Variants in MN1 observed in about 807,000 individuals in gnomAD.
The protein encoded by MN1 is transcriptional activator MN1.
In MN1, 19 loss-of-function variants were observed where a neutral mutation model predicts 86.9. The ratio of observed to expected loss-of-function variants is 0.22; its 90% CI spans 0.15 to 0.32. The LOEUF (loss-of-function observed/expected upper bound fraction) is 0.32. MN1 is among the 10% of genes least tolerant of loss of function. The pLI is 1.00. For synonymous variants in MN1, 928 were observed against 849.6 expected (o/e 1.09, Z -1.60); for missense variants, 1,841 against 1,862.0 (o/e 0.99, Z 0.21).
chr22:27,760,314 C>G (rs1296311772), intron 1 of MN1, among the ~76,000 whole-genome samples: 2 of 152,034 alleles, frequency 1.3e-5, no homozygotes, highest in African/African-American at 4.8e-5. Flanking sequence ...CATTGCACTC[C>G]AGCCTGGGCC....
At chr22:27,754,293 T>C (rs2146293043) in intron 1 of MN1, among the ~76,000 whole-genome samples, 1 of 152,258 alleles carries the variant, frequency 6.6e-6, no homozygotes. Context: ...TTGCTGTTCT[T>C]ATTAGGGGTG....
chr22:27,801,097 TC>T lies in MN1; in HGVS notation c.-555del. ...CGGTCCCTCCCCCCGCCCCCCGGAG[TC>T]CCCGCGCCCCGCAGCCCGAGCCTCC... is the stretch of plus-strand genomic sequence containing the variant. On this transcript the variant is annotated 5_prime_UTR_variant, in exon 1 of 2. Coordinates refer to ENST00000302326, the MANE Select transcript of MN1 (RefSeq NM_002430.3). 1 of 220,742 alleles carries T rather than the reference TC, an allele frequency of 4.5e-6. No homozygotes were observed. The highest frequency in any genetic ancestry group is 9.0e-6 in the Non-Finnish European group (1 of 110,640). 13.7% of individuals were successfully genotyped at this position (220,742 alleles called of 1,614,324 possible).
intron 1 of MN1, among the ~76,000 whole-genome samples, chr22:27,754,889 TTC>T (rs1219734144): frequency 2.0e-5 from 3 of 152,136 alleles, no homozygotes; most frequent in South Asian, 2.1e-4. Context: ...GTGAGTGCTG[TTC>T]TGTTTTCCAC....
rs750784642 is a variant in MN1 at position 27,800,464 on chromosome 22, C to G, written c.80G>C (p.Gly27Ala). The G allele has an allele frequency of 6.2e-7, 1 of 1,614,230 alleles. No individual in the cohort carries two copies. The highest frequency in any genetic ancestry group is 8.5e-7 in the Non-Finnish European group (1 of 1,180,040). ...GQGERNFNET[G>A]LSMNTHFKAP... ...CTTAAAGTGGGTGTTCATGCTCAGT[C>G]CGGTCTCGTTAAAGTTCCTCTCGCC... The change falls in exon 1 of 2, where the codon GGA becomes GCA. Residue 27 changes from glycine to alanine, a missense_variant. Coordinates refer to ENST00000302326, the MANE Select transcript of MN1 (RefSeq NM_002430.3).
intron 1 of MN1, among the ~76,000 whole-genome samples, chr22:27,773,811 T>C (rs1008240284): frequency 9.2e-5 from 14 of 152,182 alleles, no homozygotes; most frequent in Non-Finnish European, 1.8e-4. Flanking sequence ...CACGCCACCA[T>C]GCCCAGCTAA....
intron 1 of MN1, among the ~76,000 whole-genome samples, chr22:27,793,697 A>C (rs1010099382): frequency 1.6e-4 from 24 of 151,992 alleles, no homozygotes; most frequent in Non-Finnish European, 2.9e-5. Context: ...GTTGGCCTAG[A>C]CTTTGCGAGA....
At chr22:27,789,464 T>G (rs12166473) in intron 1 of MN1, among the ~76,000 whole-genome samples, 29,646 of 151,846 alleles carry the variant, frequency 0.2, 3,325 homozygotes, top group Middle Eastern at 0.28. Context: ...AGATCAAAGA[T>G]GGGAATAAGA....
chr22:27,777,027 C>A (rs1224634246), intron 1 of MN1, among the ~76,000 whole-genome samples: 2 of 152,138 alleles, frequency 1.3e-5, no homozygotes, highest in African/African-American at 4.8e-5. Context: ...CTTTAAAACG[C>A]AAGGGAGGGC....
intron 1 of MN1, 27 bp from the exon 2 acceptor site, chr22:27,751,123 A>G (rs1012387908): frequency 2.9e-5 from 44 of 1,523,142 alleles, no homozygotes; most frequent in Non-Finnish European, 3.5e-5. Flanking sequence ...AAGAGAGGAC[A>G]TTAGTGGCAC....
At chr22:27,795,052 C>T (rs919949713) in intron 1 of MN1, among the ~76,000 whole-genome samples, 1 of 118,760 alleles carries the variant, frequency 8.4e-6, no homozygotes, top group Non-Finnish European at 1.6e-5. Flanking sequence ...GTGTCCAACT[C>T]GATTTTAAAA....
At chr22:27,772,561 A>C (rs1231361475) in intron 1 of MN1, among the ~76,000 whole-genome samples, 2 of 152,020 alleles carry the variant, frequency 1.3e-5, no homozygotes, top group East Asian at 3.9e-4. Flanking sequence ...GCTTGACATC[A>C]CTTAACCAAC....
intron 1 of MN1, among the ~76,000 whole-genome samples, chr22:27,752,224 C>T (rs1227742315): frequency 6.6e-6 from 1 of 152,162 alleles, no homozygotes; most frequent in African/African-American, 2.4e-5. Flanking sequence ...GCTCATGCAC[C>T]TCCTTATGAT....
rs757168083 is a variant in MN1 at position 27,751,014 on chromosome 22, G to C, written c.3864C>G (p.Asp1288Glu). 1.9e-6 allele frequency: 3 copies of C among 1,612,912 alleles called. No individual in the cohort carries two copies. In the Admixed American group the frequency reaches 5.0e-5, roughly 27 times the overall value. The change falls in exon 2 of 2, where the codon GAC becomes GAG. Residue 1288 changes from aspartate to glutamate, a missense_variant. By Grantham distance (45) the Asp-to-Glu change is conservative. Transcript: ENST00000302326. ...LQCLSVHCTD[D>E]VGDAKARASV... ...AGGCTCGAGCCTTGGCGTCACCCAC[G>C]TCGTCTGTGCAGTGGACAGACAGGC...
intron 1 of MN1, among the ~76,000 whole-genome samples, chr22:27,777,092 C>T (rs1013194219): frequency 2.8e-4 from 43 of 152,268 alleles, no homozygotes; most frequent in African/African-American, 8.7e-4. Context: ...ATCCCTTTAC[C>T]GCCCCACCTT....
Position 27,798,475 on chromosome 22 carries a change from C to T in MN1, c.2069G>A (p.Gly690Asp). 1 of 1,562,826 alleles carries T rather than the reference C, an allele frequency of 6.4e-7. No individual in the cohort carries two copies. The change falls in exon 1 of 2, where the codon GGC (glycine) becomes GAC (aspartate). Residue 690 changes from glycine (G) to aspartate (D), a missense_variant. Physicochemically the swap from Gly to Asp is moderately conservative, Grantham distance 94. Transcript: ENST00000302326. ...LQEPMRMPGE[G>D]HVPALPSPGL... The stretch of plus-strand genomic sequence containing the variant: ...CGGTGAAGGCAGCGCGGGCACGTGG[C>T]CCTCTCCGGGCATCCTCATCGGCTC...
intron 1 of MN1, among the ~76,000 whole-genome samples, chr22:27,782,606 C>G (rs563123797): frequency 6.6e-6 from 1 of 152,340 alleles, no homozygotes; most frequent in East Asian, 1.9e-4. Flanking sequence ...CTGTGTTAAG[C>G]AGGCTTCTGA....
chr22:27,752,283 T>C (rs1227097949), intron 1 of MN1, among the ~76,000 whole-genome samples: 3 of 152,132 alleles, frequency 2.0e-5, no homozygotes, highest in African/African-American at 7.2e-5. Context: ...GTATAAACTG[T>C]AAAGTGTTGT....
intron 1 of MN1, among the ~76,000 whole-genome samples, chr22:27,793,699 T>C (rs9625330): frequency 0.056 from 8,477 of 152,114 alleles, 792 homozygotes; most frequent in African/African-American, 0.19. Flanking sequence ...TGGCCTAGAC[T>C]TTGCGAGAAC....
intron 1 of MN1, among the ~76,000 whole-genome samples, chr22:27,778,784 G>A (rs563482130): frequency 1.2e-4 from 18 of 152,296 alleles, no homozygotes; most frequent in Admixed American, 2.6e-4. Flanking sequence ...GAGCATCCTC[G>A]TGTAGCCCAC....
Sources: allele counts gnomAD v4.1 joint callset (sites outside exome capture counted in the v4.1 genomes callset), GRCh38; gene constraint gnomAD v4.1.1; transcripts MANE v1.5; gene names NCBI Gene and HGNC (gene_info 2026-07-23, HGNC 2026-07-21).